Variants in TMCO5A observed in about 807,000 individuals in gnomAD.
TMCO5A encodes transmembrane and coiled-coil domain-containing protein 5A.
Under a neutral mutation model 42.3 loss-of-function variants are expected in TMCO5A, and 34 were observed. The observed-to-expected ratio is 0.80, with a 90% confidence interval of 0.61 to 1.07. The LOEUF (loss-of-function observed/expected upper bound fraction) is 1.07, where lower values mean the gene tolerates loss of function less well. Among genes scored for constraint, TMCO5A ranks in the 50% least tolerant of loss-of-function variants. The pLI is 0.00. For synonymous variants in TMCO5A, 131 were observed against 115.6 expected (o/e 1.13, Z -0.86); for missense variants, 357 against 327.9 (o/e 1.09, Z -0.69).
chr15:38,021,815 T>C, the TMCO5A span, among the ~76,000 whole-genome samples: 1 of 149,604 alleles, frequency 6.7e-6, no homozygotes, highest in Non-Finnish European at 1.5e-5. Context: ...ACAGTTTCTT[T>C]TTTTTTTTTT....
the TMCO5A span, among the ~76,000 whole-genome samples, chr15:38,030,555 C>T: frequency 6.6e-6 from 1 of 152,144 alleles, no homozygotes; most frequent in Non-Finnish European, 1.5e-5. Flanking sequence ...AAATGATCCA[C>T]CCTCTTCTTA....
At chr15:37,997,355 GA>G in the TMCO5A span, among the ~76,000 whole-genome samples, 1 of 152,166 alleles carries the variant, frequency 6.6e-6, no homozygotes, top group Non-Finnish European at 1.5e-5. Context: ...TGTAAATTCT[GA>G]AAATGTCATT....
In TMCO5A at chr15:37,946,542, C is replaced by T. The variant is rs549431856; in HGVS notation, c.628-1114C>T. 6.6e-5 allele frequency among the ~76,000 whole-genome samples: 10 copies of T among 152,176 alleles called. No individual in the cohort carries two copies. The East Asian group carries it at 9.6e-4, about 15-fold the overall frequency. The stretch of plus-strand genomic sequence containing the variant: ...TTGAGTCCTCTCTGATTTCTTTCAG[C>T]GATGGTTTGTAGTTCTCCTTGAAGG... On this transcript the variant is annotated intron_variant, in intron 10 of 11. Transcript: ENST00000319669.
At chr15:37,996,453 G>A in the TMCO5A span, among the ~76,000 whole-genome samples, 1 of 152,124 alleles carries the variant, frequency 6.6e-6, no homozygotes, top group African/African-American at 2.4e-5. Flanking sequence ...TCAAAAATAT[G>A]CTCTCTACCT....
downstream of TMCO5A, among the ~76,000 whole-genome samples, chr15:37,955,255 T>TAAAAAAAAA (rs55989832): frequency 9.4e-6 from 1 of 106,268 alleles, no homozygotes; most frequent in African/African-American, 3.6e-5. Context: ...ATTTAAAGAG[T>TAAAAAAAAA]AAAAAAAAAA....
intron 5 of TMCO5A, among the ~76,000 whole-genome samples, chr15:37,937,917 G>C (rs1566914023): frequency 6.6e-6 from 1 of 152,044 alleles, no homozygotes; most frequent in Non-Finnish European, 1.5e-5. Context: ...GAGTAACCCA[G>C]TGCGAATTAG....
At chr15:38,015,808 A>G in the TMCO5A span, among the ~76,000 whole-genome samples, 1 of 152,244 alleles carries the variant, frequency 6.6e-6, no homozygotes, top group Non-Finnish European at 1.5e-5. Context: ...AGCCCAACTG[A>G]AAAGGCTTTT....
At chr15:37,943,048 T>G in intron 9 of TMCO5A, 5 of 270,066 alleles carry the variant, frequency 1.9e-5, no homozygotes, top group African/African-American at 2.2e-5. Context: ...CTGCTGAACA[T>G]TGGTTTATGG....
downstream of TMCO5A, among the ~76,000 whole-genome samples, chr15:37,952,478 G>C (rs1890184953): frequency 6.6e-6 from 1 of 152,096 alleles, no homozygotes; most frequent in Admixed American, 6.6e-5. Context: ...GGCCAGAAGG[G>C]AGCCTGCTAC....
At chr15:37,998,949 C>A in the TMCO5A span, among the ~76,000 whole-genome samples, 5 of 151,980 alleles carry the variant, frequency 3.3e-5, no homozygotes, top group South Asian at 1.0e-3. Flanking sequence ...TCTTGTTGCC[C>A]AGGCTGGAGT....
At chr15:37,947,605 G>A (rs768542961) in intron 10 of TMCO5A, 51 bp from the exon 11 acceptor site, 5 of 1,204,846 alleles carry the variant, frequency 4.1e-6, no homozygotes, top group Non-Finnish European at 6.1e-6. Flanking sequence ...ATTGGATGAT[G>A]ATAATAGCCT....
chr15:37,990,265 C>A, the TMCO5A span, among the ~76,000 whole-genome samples: 1 of 152,028 alleles, frequency 6.6e-6, no homozygotes, highest in East Asian at 1.9e-4. Flanking sequence ...CTTCTCCCTC[C>A]AATTCTGTTT....
chr15:37,991,365 A>G, the TMCO5A span, among the ~76,000 whole-genome samples: 4 of 152,004 alleles, frequency 2.6e-5, no homozygotes, highest in South Asian at 4.1e-4. Flanking sequence ...ACTTTTGAAA[A>G]ACAGTTTTAA....
At chr15:37,996,724 T>G in the TMCO5A span, among the ~76,000 whole-genome samples, 2 of 152,170 alleles carry the variant, frequency 1.3e-5, no homozygotes, top group African/African-American at 2.4e-5. Context: ...AGTAAGCCCT[T>G]ACCTGAAGCT....
At chr15:37,938,128 A>AT in intron 5 of TMCO5A, 30 bp from the exon 6 acceptor site, 1 of 1,537,384 alleles carries the variant, frequency 6.5e-7, no homozygotes, top group African/African-American at 1.4e-5. Flanking sequence ...ACACCTTTTA[A>AT]TTTAGTATAT....
At chr15:38,027,529 A>G in the TMCO5A span, among the ~76,000 whole-genome samples, 1 of 152,100 alleles carries the variant, frequency 6.6e-6, no homozygotes, top group African/African-American at 2.4e-5. Context: ...CTCAGATGAG[A>G]CTTTGGACTG....
the TMCO5A span, among the ~76,000 whole-genome samples, chr15:38,012,276 T>C: frequency 2.0e-5 from 3 of 152,190 alleles, no homozygotes; most frequent in African/African-American, 7.2e-5. Flanking sequence ...TCACGGTGCC[T>C]CTCACCAGCC....
At chr15:38,026,699 C>T in the TMCO5A span, among the ~76,000 whole-genome samples, 1 of 152,220 alleles carries the variant, frequency 6.6e-6, no homozygotes, top group Admixed American at 6.5e-5. Flanking sequence ...CAGCCCCTGC[C>T]ATCACAGGCC....
the TMCO5A span, among the ~76,000 whole-genome samples, chr15:38,024,325 T>C: frequency 6.6e-6 from 1 of 152,132 alleles, no homozygotes; most frequent in Non-Finnish European, 1.5e-5. Flanking sequence ...TCAGCTGAGT[T>C]AGAAGAGAGA....
Sources: gnomAD v4.1 joint callset for allele counts (sites outside exome capture counted in the v4.1 genomes callset) on GRCh38, gnomAD v4.1.1 for gene constraint, MANE v1.5 for transcripts, NCBI Gene and HGNC (gene_info 2026-07-23, HGNC 2026-07-21) for gene names.